The following IGF2BP3 variants were observed in gnomAD, a reference collection of about 807,000 sequenced individuals.
IGF2BP3 encodes insulin-like growth factor 2 mRNA-binding protein 3.
A neutral mutation model predicts 73.8 loss-of-function variants in IGF2BP3; 9 were observed. The ratio of observed to expected loss-of-function variants is 0.12; its 90% CI spans 0.07 to 0.21. IGF2BP3 has a LOEUF of 0.21. IGF2BP3 is among the 10% of genes least tolerant of loss of function. IGF2BP3 has a pLI of 1.00. For synonymous variants in IGF2BP3, 258 were observed against 256.7 expected, an observed-to-expected ratio of 1.01 and a Z score of -0.05; for missense variants, 542 against 714.0, an observed-to-expected ratio of 0.76 and a Z score of 2.75.
At chr7:23,346,743 C>T (rs1367317979) in intron 7 of IGF2BP3, among the ~76,000 whole-genome samples, 1 of 151,966 alleles carries the variant, frequency 6.6e-6, no homozygotes, top group South Asian at 2.1e-4. Context: ...CAGGCACATG[C>T]CACCACGCTC....
rs578032147 is a variant in IGF2BP3 at position 23,453,085 on chromosome 7, G to A, written c.236+15397C>T. On this transcript the variant is annotated intron_variant, in intron 2 of 14. Transcript: ENST00000258729. ...AAAGGTTGCAGTGAGCCGAGATCGC[G>A]CCACTGCACTTCAGCCTGGGTGACA... 7.2e-5 allele frequency among the ~76,000 whole-genome samples: 11 copies of A among 152,286 alleles called. No individual in the cohort carries two copies. In the South Asian group the frequency reaches 2.1e-3, roughly 29 times the overall value.
intron 4 of IGF2BP3, 26 bp downstream of exon 4, chr7:23,361,664 T>A (rs367573585): frequency 6.2e-7 from 1 of 1,613,812 alleles, no homozygotes; most frequent in Non-Finnish European, 8.5e-7. Context: ...TTTTACAAAT[T>A]TGAAAGCAAT....
intron 10 of IGF2BP3, among the ~76,000 whole-genome samples, chr7:23,338,130 G>A (rs1784619555): frequency 2.0e-5 from 3 of 152,094 alleles, no homozygotes; most frequent in Admixed American, 1.3e-4. Flanking sequence ...ATCCCACAGA[G>A]GTTTTTGGCA....
chr7:23,389,403 G>A (rs548195098), intron 3 of IGF2BP3, among the ~76,000 whole-genome samples: 1 of 151,940 alleles, frequency 6.6e-6, no homozygotes. Flanking sequence ...CTGGTGATCT[G>A]CCCACCTCAG....
chr7:23,387,063 CAAA>C (rs554283709), intron 3 of IGF2BP3, among the ~76,000 whole-genome samples: 3 of 90,886 alleles, frequency 3.3e-5, no homozygotes, highest in Admixed American at 1.2e-4. Flanking sequence ...AAGACTCTGT[CAAA>C]AAAAAAAAAA....
chr7:23,337,311 T>A (rs540722212), intron 10 of IGF2BP3, among the ~76,000 whole-genome samples: 3 of 152,354 alleles, frequency 2.0e-5, no homozygotes, highest in African/African-American at 7.2e-5. Flanking sequence ...ATTTTCTGAA[T>A]AATGGTGTTT....
intron 12 of IGF2BP3, among the ~76,000 whole-genome samples, chr7:23,314,431 C>T (rs569805835): frequency 6.6e-6 from 1 of 151,888 alleles, no homozygotes; most frequent in Non-Finnish European, 1.5e-5. Flanking sequence ...AGTGATGTGC[C>T]CACCTCAGCC....
intron 2 of IGF2BP3, among the ~76,000 whole-genome samples, chr7:23,462,569 A>T (rs1260744675): frequency 2.0e-5 from 3 of 152,044 alleles, no homozygotes; most frequent in Non-Finnish European, 4.4e-5. Flanking sequence ...TCACCGTGTT[A>T]GCCAGGATGG....
At chr7:23,322,676 G>A (rs1269623452) in intron 10 of IGF2BP3, among the ~76,000 whole-genome samples, 2 of 152,084 alleles carry the variant, frequency 1.3e-5, no homozygotes, top group African/African-American at 2.4e-5. Context: ...AGAGAGAAAG[G>A]TCGGGTTACC....
At chr7:23,449,554 CTTTTTTTTT>C (rs376571131) in intron 2 of IGF2BP3, among the ~76,000 whole-genome samples, 1 of 106,934 alleles carries the variant, frequency 9.4e-6, no homozygotes, top group African/African-American at 3.5e-5. Context: ...TTTTCTTTTT[CTTTTTTTTT>C]TTTTTTTTTT....
chr7:23,428,192 C>G (rs959129138), intron 2 of IGF2BP3, among the ~76,000 whole-genome samples: 4 of 151,740 alleles, frequency 2.6e-5, no homozygotes, highest in Non-Finnish European at 5.9e-5. Context: ...ACAAAAAAAG[C>G]CAGAAGCAAT....
chr7:23,337,690 A>T (rs948882999), intron 10 of IGF2BP3, among the ~76,000 whole-genome samples: 4 of 152,200 alleles, frequency 2.6e-5, no homozygotes, highest in Non-Finnish European at 4.4e-5. Context: ...GATGCTGCCA[A>T]TTTTGATCCT....
chr7:23,378,353 G>GT (rs1785792700), intron 3 of IGF2BP3, among the ~76,000 whole-genome samples: 1 of 120,446 alleles, frequency 8.3e-6, no homozygotes, highest in South Asian at 2.5e-4. Flanking sequence ...CCTTTAGATA[G>GT]TTTTCAAAAA....
intron 8 of IGF2BP3, among the ~76,000 whole-genome samples, chr7:23,345,005 T>C (rs1197098425): frequency 6.6e-6 from 1 of 152,202 alleles, no homozygotes; most frequent in Non-Finnish European, 1.5e-5. Context: ...CAAAGTAGTA[T>C]TACTTATTGA....
At chr7:23,399,093 G>A (rs1786573905) in intron 3 of IGF2BP3, among the ~76,000 whole-genome samples, 1 of 152,148 alleles carries the variant, frequency 6.6e-6, no homozygotes, top group Non-Finnish European at 1.5e-5. Flanking sequence ...TGTATAAGGT[G>A]TAAGGAAGGG....
intron 2 of IGF2BP3, among the ~76,000 whole-genome samples, chr7:23,457,869 A>T (rs2128550504): frequency 6.6e-6 from 1 of 152,352 alleles, no homozygotes; most frequent in Non-Finnish European, 1.5e-5. Context: ...CCTGTTTAAT[A>T]TTTATACAAT....
chr7:23,437,753 A>G (rs1195681315), intron 2 of IGF2BP3, among the ~76,000 whole-genome samples: 1 of 152,240 alleles, frequency 6.6e-6, no homozygotes, highest in East Asian at 1.9e-4. Flanking sequence ...ACCAATATTG[A>G]GAACAAAAGT....
At chr7:23,458,289 A>G (rs1788366520) in intron 2 of IGF2BP3, among the ~76,000 whole-genome samples, 1 of 152,114 alleles carries the variant, frequency 6.6e-6, no homozygotes, top group Admixed American at 6.5e-5. Context: ...TAGACCTCAT[A>G]TCCCACATCC....
At chr7:23,368,104 G>A (rs1785432395) in intron 3 of IGF2BP3, among the ~76,000 whole-genome samples, 1 of 151,950 alleles carries the variant, frequency 6.6e-6, no homozygotes, top group Admixed American at 6.6e-5. Context: ...TGAATGTAAT[G>A]GTACAAAATT....
Sources: gnomAD v4.1 joint callset for allele counts (sites outside exome capture counted in the v4.1 genomes callset) on GRCh38, gnomAD v4.1.1 for gene constraint, MANE v1.5 for transcripts, NCBI Gene and HGNC (gene_info 2026-07-23, HGNC 2026-07-21) for gene names.